The following MAP4K3 variants were observed in gnomAD, a reference collection of about 807,000 sequenced individuals.
MAP4K3 encodes MAPK/ERK kinase kinase kinase 3.
Under a neutral mutation model 143.5 loss-of-function variants are expected in MAP4K3, and 94 were observed. That is an observed-to-expected ratio of 0.65 (90% CI 0.55 to 0.78). The LOEUF is 0.78. MAP4K3 is among the 30% of genes least tolerant of loss of function. The pLI, the probability that MAP4K3 is intolerant of heterozygous loss-of-function variation, is 0.00. For synonymous variants in MAP4K3, 416 were observed against 347.2 expected, an observed-to-expected ratio of 1.20 and a Z score of -2.20; for missense variants, 1,077 against 1,068.1, an observed-to-expected ratio of 1.01 and a Z score of -0.12.
At chr2:39,273,229 G>T (rs977482569) in intron 24 of MAP4K3, among the ~76,000 whole-genome samples, 2 of 152,094 alleles carry the variant, frequency 1.3e-5, no homozygotes, top group African/African-American at 2.4e-5. Context: ...TTCGTTATGC[G>T]TATCAGTGGT....
intron 1 of MAP4K3, among the ~76,000 whole-genome samples, chr2:39,430,461 TA>T (rs1489077263): frequency 4.6e-5 from 7 of 151,702 alleles, no homozygotes; most frequent in African/African-American, 1.5e-4. Flanking sequence ...AAAAAAAGAC[TA>T]AAAAAAACCT....
chr2:39,282,189 C>T (rs1392089248), intron 22 of MAP4K3, among the ~76,000 whole-genome samples: 14 of 143,168 alleles, frequency 9.8e-5, no homozygotes, highest in South Asian at 2.2e-4. Flanking sequence ...AGTGAGACTC[C>T]GTCTCAAAAA....
intron 2 of MAP4K3, among the ~76,000 whole-genome samples, chr2:39,367,675 G>T (rs992733019): frequency 6.6e-6 from 1 of 152,038 alleles, no homozygotes; most frequent in Non-Finnish European, 1.5e-5. Flanking sequence ...GGGGACTGAG[G>T]TGAGAGTTTG....
At chr2:39,345,921 CAAAAAAAAA>C (rs66729858) in intron 3 of MAP4K3, among the ~76,000 whole-genome samples, 2 of 15,850 alleles carry the variant, frequency 1.3e-4, no homozygotes, top group South Asian at 2.2e-3. Flanking sequence ...GACTCTGTCT[CAAAAAAAAA>C]AAAAAAAAAA....
chr2:39,303,020 A>C (rs1467484978), intron 15 of MAP4K3: 4 of 167,066 alleles, frequency 2.4e-5, no homozygotes, highest in Non-Finnish European at 4.4e-5. Context: ...ATATGACCAA[A>C]AACATCTTAT....
chr2:39,423,466 T>C (rs1178551345), intron 1 of MAP4K3, among the ~76,000 whole-genome samples: 1 of 152,250 alleles, frequency 6.6e-6, no homozygotes, highest in Non-Finnish European at 1.5e-5. Context: ...AACCTACACA[T>C]GGATATTTAT....
At chr2:39,428,720 T>A (rs368759263) in intron 1 of MAP4K3, among the ~76,000 whole-genome samples, 5 of 151,882 alleles carry the variant, frequency 3.3e-5, no homozygotes, top group Non-Finnish European at 5.9e-5. Flanking sequence ...AAAATGGATA[T>A]CTTTTTAAAT....
chr2:39,297,860 C>T (rs1682346878), intron 16 of MAP4K3, among the ~76,000 whole-genome samples: 1 of 152,228 alleles, frequency 6.6e-6, no homozygotes, highest in African/African-American at 2.4e-5. Flanking sequence ...AAGCAGGGAT[C>T]CAATTCATCA....
rs148289632 is a variant in MAP4K3 at position 39,356,657 on chromosome 2, G to C, written c.155-318C>G. Among the ~76,000 whole-genome samples, 396 of 152,176 alleles carry C rather than the reference G, an allele frequency of 2.6e-3. 1 individual carries two copies. Among genetic ancestry groups the C allele is most frequent in the African/African-American group, 8.9e-3 (369 of 41,504 alleles). On this transcript the variant is annotated intron_variant, in intron 2 of 33. Transcript: ENST00000263881. Reference sequence around the variant, plus strand: ...CTTCTCTGTGCCAATTCCATCCTCAGTAAAATAATAATAGCCTATCTCATA... The same window carrying C: ...CTTCTCTGTGCCAATTCCATCCTCACTAAAATAATAATAGCCTATCTCATA...
chr2:39,384,259 G>A (rs540854011), intron 1 of MAP4K3, among the ~76,000 whole-genome samples: 2 of 152,056 alleles, frequency 1.3e-5, no homozygotes, highest in Non-Finnish European at 2.9e-5. Context: ...GGGCATGGTG[G>A]CTCAAGCCGG....
At chr2:39,287,049 T>C (rs1681812093) in intron 20 of MAP4K3, 85 bp from the exon 21 acceptor site, 2 of 748,372 alleles carry the variant, frequency 2.7e-6, no homozygotes, top group Non-Finnish European at 4.3e-6. Flanking sequence ...AGAAAAAATA[T>C]TAACTCTGAC....
intron 1 of MAP4K3, among the ~76,000 whole-genome samples, chr2:39,425,134 A>T (rs1272859757): frequency 2.1e-5 from 3 of 139,944 alleles, no homozygotes; most frequent in African/African-American, 5.3e-5. Context: ...CCCTCCACTC[A>T]GCTGTCAATT....
chr2:39,321,082 T>C (rs2148510738), intron 12 of MAP4K3, among the ~76,000 whole-genome samples: 1 of 152,324 alleles, frequency 6.6e-6, no homozygotes, highest in East Asian at 1.9e-4. Flanking sequence ...CAACCTGCTT[T>C]TTAGTTTACA....
At position 39,436,924 on chromosome 2, in the gene MAP4K3, TG is replaced by T; in HGVS notation, c.63del (p.Ile22SerfsTer20). On this transcript the variant is annotated frameshift_variant, in exon 1 of 34. Coordinates refer to ENST00000263881, the MANE Select transcript of MAP4K3 (RefSeq NM_003618.4). LOFTEE classifies it high-confidence loss of function. ...ACGTCGCCGTAGGTGCCGCTGCCGA[TG>T]CGCTGAATCAGCTCGAAGTCCTCCT... The part of the protein sequence containing the change: ...NPQEDFELIQ[R>X]IGSGTYGDVY... 1 of 1,612,638 alleles carries T rather than the reference TG, an allele frequency of 6.2e-7. No homozygotes were observed. Among genetic ancestry groups the T allele is most frequent in the Non-Finnish European group, 8.5e-7 (1 of 1,179,436 alleles).
intron 3 of MAP4K3, among the ~76,000 whole-genome samples, chr2:39,350,081 G>A (rs1665409015): frequency 6.6e-6 from 1 of 152,114 alleles, no homozygotes; most frequent in Non-Finnish European, 1.5e-5. Context: ...CAGAGGACAG[G>A]GGTACTAATA....
At chr2:39,282,634 T>G in intron 21 of MAP4K3, 80 bp from the exon 22 acceptor site, 1 of 905,420 alleles carries the variant, frequency 1.1e-6, no homozygotes, top group African/African-American at 1.7e-5. Flanking sequence ...ACACATTTAT[T>G]CAAATAAAAT....
chr2:39,426,246 C>G (rs1386158980), intron 1 of MAP4K3, among the ~76,000 whole-genome samples: 1 of 152,060 alleles, frequency 6.6e-6, no homozygotes, highest in Non-Finnish European at 1.5e-5. Context: ...ATGATGCGTA[C>G]TACTCAAAAA....
At chr2:39,415,767 C>T (rs1463105851) in intron 1 of MAP4K3, among the ~76,000 whole-genome samples, 11 of 150,642 alleles carry the variant, frequency 7.3e-5, no homozygotes, top group Non-Finnish European at 1.5e-4. Context: ...GCCTGGCCAA[C>T]GTGGTGAAAC....
intron 8 of MAP4K3, among the ~76,000 whole-genome samples, chr2:39,328,709 A>AG (rs966943220): frequency 2.0e-5 from 3 of 152,166 alleles, no homozygotes; most frequent in Admixed American, 1.3e-4. Context: ...ACACCTAATA[A>AG]GGGTAAATTT....
Sources: gnomAD v4.1 joint callset for allele counts (sites outside exome capture counted in the v4.1 genomes callset) on GRCh38, gnomAD v4.1.1 for gene constraint, MANE v1.5 for transcripts, NCBI Gene and HGNC (gene_info 2026-07-23, HGNC 2026-07-21) for gene names.